The following NRXN1 variants were observed in gnomAD, a reference collection of about 807,000 sequenced individuals.
The protein encoded by NRXN1 is neurexin 1.
NRXN1 carries 39 observed loss-of-function variants against 150.9 expected under a neutral mutation model. The observed-to-expected ratio is 0.26, with a 90% CI of 0.20 to 0.34. The LOEUF (loss-of-function observed/expected upper bound fraction) is 0.34, where lower values mean the gene tolerates loss of function less well. Among genes scored for constraint, NRXN1 ranks in the 10% least tolerant of loss-of-function variants. The pLI is 1.00. For missense variants in NRXN1, 1,815 were observed against 1,949.9 expected (o/e 0.93, Z 1.30); for synonymous variants, 924 against 757.0 (o/e 1.22, Z -3.62).
chr2:49,950,730 A>T (rs766832780), intron 21 of NRXN1, among the ~76,000 whole-genome samples: 1 of 151,934 alleles, frequency 6.6e-6, no homozygotes, highest in Non-Finnish European at 1.5e-5. Flanking sequence ...ATGCAGATGG[A>T]GGTACTGTTA....
intron 18 of NRXN1, among the ~76,000 whole-genome samples, chr2:50,167,958 T>C (rs1256416251): frequency 6.6e-6 from 1 of 152,208 alleles, no homozygotes. Context: ...AAGTAAAATA[T>C]CCATGCATAT....
rs2082206568 is a variant in NRXN1, at chr2:50,398,724, C to G, written c.3364+66718G>C. ...CCTTTGGACAGGATTTACTTATACCCCAGCTGGCTCAAAAAAGTAATCATT... is the reference window on the plus strand; with the variant it reads ...CCTTTGGACAGGATTTACTTATACCGCAGCTGGCTCAAAAAAGTAATCATT... On this transcript the variant is annotated intron_variant, in intron 17 of 22. Transcript: ENST00000401669. 2.6e-5 allele frequency among the ~76,000 whole-genome samples: 4 copies of G among 152,184 alleles called. 1 individual carries two copies. In the South Asian group the frequency reaches 8.3e-4, roughly 32 times the overall value.
At chr2:50,179,547 G>T (rs372133280) in intron 18 of NRXN1, among the ~76,000 whole-genome samples, 3 of 152,050 alleles carry the variant, frequency 2.0e-5, no homozygotes, top group Admixed American at 2.0e-4. Flanking sequence ...TTCTGAAAAT[G>T]ATATTGATTC....
chr2:50,685,619 T>C (rs1691111973), intron 5 of NRXN1, among the ~76,000 whole-genome samples: 1 of 152,124 alleles, frequency 6.6e-6, no homozygotes, highest in African/African-American at 2.4e-5. Context: ...GAGTATAGGA[T>C]CCCTTAAGTT....
At chr2:50,311,541 C>T (rs1299987551) in intron 17 of NRXN1, among the ~76,000 whole-genome samples, 1 of 152,028 alleles carries the variant, frequency 6.6e-6, no homozygotes, top group Non-Finnish European at 1.5e-5. Context: ...GTGTACTCCC[C>T]TCACAGCCAC....
intron 8 of NRXN1, among the ~76,000 whole-genome samples, chr2:50,577,751 T>A (rs1223900353): frequency 6.6e-6 from 1 of 151,654 alleles, no homozygotes; most frequent in Non-Finnish European, 1.5e-5. Context: ...CTAAATGGTA[T>A]GTCTTTTGAA....
intron 21 of NRXN1, among the ~76,000 whole-genome samples, chr2:49,969,241 T>C (rs1424550809): frequency 6.6e-6 from 1 of 151,934 alleles, no homozygotes; most frequent in Non-Finnish European, 1.5e-5. Flanking sequence ...ATCTAAAGAG[T>C]AGATGATCCA....
At chr2:50,690,653 G>A (rs189475806) in intron 5 of NRXN1, among the ~76,000 whole-genome samples, 205 of 152,308 alleles carry the variant, frequency 1.3e-3, no homozygotes, top group African/African-American at 4.7e-3. Flanking sequence ...ATATATTTGT[G>A]TAGGCATATA....
intron 5 of NRXN1, among the ~76,000 whole-genome samples, chr2:50,634,587 T>C (rs1682947076): frequency 6.6e-6 from 1 of 152,230 alleles, no homozygotes; most frequent in Non-Finnish European, 1.5e-5. Flanking sequence ...AGTTACTTCT[T>C]TTCCCCATCT....
At chr2:50,703,814 C>A (rs553710661) in intron 5 of NRXN1, among the ~76,000 whole-genome samples, 1 of 152,194 alleles carries the variant, frequency 6.6e-6, no homozygotes, top group African/African-American at 2.4e-5. Flanking sequence ...CTGTGAGATT[C>A]ATTATACTAA....
chr2:50,600,540 G>T (rs1676088456), intron 8 of NRXN1, among the ~76,000 whole-genome samples: 1 of 152,014 alleles, frequency 6.6e-6, no homozygotes, highest in Non-Finnish European at 1.5e-5. Context: ...GACCAGGCTG[G>T]TCTCAAATTC....
intron 8 of NRXN1, among the ~76,000 whole-genome samples, chr2:50,561,966 G>C (rs1382719485): frequency 3.9e-5 from 6 of 152,196 alleles, no homozygotes; most frequent in Non-Finnish European, 7.4e-5. Flanking sequence ...CAAGCCAGCA[G>C]ATGCTGCTAA....
chr2:50,797,988 G>C (rs986797811), intron 5 of NRXN1, among the ~76,000 whole-genome samples: 1 of 152,118 alleles, frequency 6.6e-6, no homozygotes, highest in Admixed American at 6.6e-5. Flanking sequence ...ATATATATTT[G>C]ATATTTGTTA....
intron 21 of NRXN1, among the ~76,000 whole-genome samples, chr2:50,008,611 T>G (rs1407989895): frequency 6.6e-6 from 1 of 151,926 alleles, no homozygotes; most frequent in East Asian, 1.9e-4. Flanking sequence ...AGAATATGAC[T>G]CTGAACACTA....
chr2:50,328,249 T>G (rs1023829210), intron 17 of NRXN1, among the ~76,000 whole-genome samples: 2 of 152,008 alleles, frequency 1.3e-5, no homozygotes, highest in Admixed American at 6.6e-5. Flanking sequence ...TTATTGTTAG[T>G]GCTAGTGTAT....
rs532203927 is a variant in NRXN1 at position 50,741,559 on chromosome 2, T to C, written c.833-117944A>G. ...ATACAATTTTAAGTTTTATTATTATTACACATTTATTTTAATGAAAAATTT... is the reference window on the plus strand; with the variant it reads ...ATACAATTTTAAGTTTTATTATTATCACACATTTATTTTAATGAAAAATTT... On this transcript the variant is annotated intron_variant, in intron 5 of 22. Coordinates refer to ENST00000401669, the MANE Select transcript of NRXN1 (RefSeq NM_001330078.2). Among the ~76,000 whole-genome samples the C allele has an allele frequency of 1.2e-4, 19 of 152,310 alleles. No homozygotes were observed. In the South Asian group the frequency reaches 3.7e-3, roughly 30 times the overall value.
At chr2:50,231,041 G>A (rs9309179) in intron 18 of NRXN1, among the ~76,000 whole-genome samples, 64,035 of 151,738 alleles carry the variant, frequency 0.42, 13,695 homozygotes, top group Middle Eastern at 0.46. Context: ...AAGCTACCTC[G>A]TGATACGGCA....
chr2:50,973,262 C>T (rs531977464), intron 2 of NRXN1, among the ~76,000 whole-genome samples: 12 of 152,108 alleles, frequency 7.9e-5, no homozygotes, highest in African/African-American at 1.4e-4. Flanking sequence ...CAAATCAGAC[C>T]GACTCTCTCA....
intron 18 of NRXN1, among the ~76,000 whole-genome samples, chr2:50,180,088 C>G (rs1281019209): frequency 6.6e-6 from 1 of 152,054 alleles, no homozygotes; most frequent in East Asian, 1.9e-4. Context: ...GTGGTTCAAT[C>G]AGACCTCACT....
Sources: allele counts gnomAD v4.1 joint callset (sites outside exome capture counted in the v4.1 genomes callset), GRCh38; gene constraint gnomAD v4.1.1; transcripts MANE v1.5; gene names NCBI Gene and HGNC (gene_info 2026-07-23, HGNC 2026-07-21).